PARD6G: variants seen among roughly 807,000 people sequenced by gnomAD.
PARD6G encodes partitioning defective 6 homolog gamma.
A neutral mutation model predicts 10.7 loss-of-function variants in PARD6G; 7 were observed. That is an observed-to-expected ratio of 0.66 (90% CI 0.37 to 1.23). PARD6G has a LOEUF of 1.23. Among genes scored for constraint, PARD6G ranks in the 50% most tolerant of loss-of-function variants. PARD6G has a pLI of 0.02. For missense variants in PARD6G, 548 were observed against 571.8 expected, an observed-to-expected ratio of 0.96 and a Z score of 0.42; for synonymous variants, 287 against 269.4, an observed-to-expected ratio of 1.07 and a Z score of -0.64.
In PARD6G at chr18:80,246,846, G is replaced by A. The variant is rs1012926715; in HGVS notation, c.72+431C>T. ...AAGCCTCCTTTGCAGCCTTGAAGGC[G>A]CCTTGGCCAGGGCCATCCCACGGCC... On this transcript the variant is annotated intron_variant, in intron 1 of 2. Coordinates refer to ENST00000353265, the MANE Select transcript of PARD6G (RefSeq NM_032510.4). This position sits in a 1 kb window ranked among gnomAD's most constrained non-coding sequence, Gnocchi z 6.7. Among the ~76,000 whole-genome samples, 6 of 152,032 alleles carry A rather than the reference G, an allele frequency of 3.9e-5. No individual in the cohort carries two copies. Among genetic ancestry groups the A allele is most frequent in the African/African-American group, 1.4e-4 (6 of 41,412 alleles).
chr18:80,164,170 A>C (rs1261608342), intron 2 of PARD6G, among the ~76,000 whole-genome samples: 1 of 152,232 alleles, frequency 6.6e-6, no homozygotes, highest in African/African-American at 2.4e-5. Context: ...CCTCAAGGCT[A>C]GAATGGGTGC....
In PARD6G at chr18:80,218,073, A is replaced by T. The variant is rs933917545; in HGVS notation, c.73-15141T>A. On this transcript the variant is annotated intron_variant, in intron 1 of 2. Transcript: ENST00000353265. Reference sequence around the variant, plus strand: ...ACACATGGGGATTATAGGAACTACAATTCAAGATGAGATTTGGGTGGGGAC... The same window carrying T: ...ACACATGGGGATTATAGGAACTACATTTCAAGATGAGATTTGGGTGGGGAC... Among the ~76,000 whole-genome samples the T allele has an allele frequency of 8.5e-5, 13 of 152,230 alleles. No individual in the cohort carries two copies. In the East Asian group the frequency reaches 2.3e-3, roughly 27 times the overall value.
chr18:80,235,853 T>C (rs1193331870), intron 1 of PARD6G, among the ~76,000 whole-genome samples: 4 of 152,110 alleles, frequency 2.6e-5, no homozygotes, highest in Non-Finnish European at 5.9e-5. Flanking sequence ...ATTGAGGCAA[T>C]AATTAATAGC....
chr18:80,169,676 T>C (rs755060789), intron 2 of PARD6G: 7 of 152,200 alleles, frequency 4.6e-5, no homozygotes, highest in Non-Finnish European at 1.0e-4. Flanking sequence ...TTACCTAAAG[T>C]GAGAGATACA....
Position 80,213,398 on chromosome 18 carries a change from C to T in PARD6G, c.73-10466G>A, listed in dbSNP as rs150521249. ...GTTCTGTGCAATCAGAAAGTGAAAGCTAAAGCAGACTTGGACTACCAGAGT... is the reference window on the plus strand; with the variant it reads ...GTTCTGTGCAATCAGAAAGTGAAAGTTAAAGCAGACTTGGACTACCAGAGT... On this transcript the variant is annotated intron_variant, in intron 1 of 2. Coordinates refer to ENST00000353265, the MANE Select transcript of PARD6G (RefSeq NM_032510.4). 2.6e-5 allele frequency among the ~76,000 whole-genome samples: 4 copies of T among 152,244 alleles called. No individual in the cohort carries two copies. In the East Asian group the frequency reaches 7.7e-4, roughly 29 times the overall value.
At chr18:80,195,210 C>A (rs377707111) in intron 2 of PARD6G, among the ~76,000 whole-genome samples, 1 of 152,144 alleles carries the variant, frequency 6.6e-6, no homozygotes, top group East Asian at 1.9e-4. Context: ...GCCATTTTTA[C>A]CACACAACAC....
In PARD6G at chr18:80,181,411, T is replaced by C. The variant is rs2052848169; in HGVS notation, c.296-20805A>G. On this transcript the variant is annotated intron_variant, in intron 2 of 2. Coordinates refer to ENST00000353265, the MANE Select transcript of PARD6G (RefSeq NM_032510.4). The surrounding 1 kb of genome is among the most constrained non-coding windows in gnomAD (Gnocchi z 7.9). ...GGGGGACCCTGCGTGCTTGGGTGCATTGCACACCCAGGTCACCAGGGACAC... is the reference window on the plus strand; with the variant it reads ...GGGGGACCCTGCGTGCTTGGGTGCACTGCACACCCAGGTCACCAGGGACAC... Among the ~76,000 whole-genome samples the C allele has an allele frequency of 6.6e-6, 1 of 152,056 alleles. No homozygotes were observed. Among genetic ancestry groups the C allele is most frequent in the Admixed American group, 6.5e-5 (1 of 15,274 alleles).
chr18:80,185,265 C>A (rs1177038743), intron 2 of PARD6G, among the ~76,000 whole-genome samples: 1 of 151,954 alleles, frequency 6.6e-6, no homozygotes, highest in African/African-American at 2.4e-5. Flanking sequence ...CTCGAGCATA[C>A]AGGTGACACA....
At chr18:80,186,356 C>A in intron 2 of PARD6G, among the ~76,000 whole-genome samples, 1 of 62,406 alleles carries the variant, frequency 1.6e-5, no homozygotes, top group Non-Finnish European at 3.8e-5. Context: ...TGCACCCTCA[C>A]ACATGCTCGC....
intron 1 of PARD6G, among the ~76,000 whole-genome samples, chr18:80,241,556 T>C (rs1967490185): frequency 6.6e-6 from 1 of 152,170 alleles, no homozygotes; most frequent in Non-Finnish European, 1.5e-5. Context: ...CCCTGGCACA[T>C]ATATGCACGT....
chr18:80,236,124 C>T (rs1447336548), intron 1 of PARD6G, among the ~76,000 whole-genome samples: 1 of 152,188 alleles, frequency 6.6e-6, no homozygotes, highest in Non-Finnish European at 1.5e-5. Context: ...CAAACCAAAT[C>T]CAGCAGCACA....
intron 2 of PARD6G, among the ~76,000 whole-genome samples, chr18:80,195,559 A>ATACG (rs1966945378): frequency 1.0e-5 from 1 of 95,878 alleles, no homozygotes; most frequent in Non-Finnish European, 2.0e-5. Flanking sequence ...ATATATATAT[A>ATACG]TATATATATA....
chr18:80,222,635 G>A (rs947166036), intron 1 of PARD6G, among the ~76,000 whole-genome samples: 2 of 152,126 alleles, frequency 1.3e-5, no homozygotes, highest in African/African-American at 2.4e-5. Flanking sequence ...GAACCGAATT[G>A]AGAGTACAGA....
intron 2 of PARD6G, chr18:80,187,677 T>C (rs1265153725): frequency 3.9e-5 from 6 of 152,286 alleles, no homozygotes; most frequent in African/African-American, 1.4e-4. Context: ...CTGTGTTCAT[T>C]TGTGGGCTCC....
chr18:80,188,790 G>A lies in PARD6G; in HGVS notation c.295+13920C>T, dbSNP rs1201358978. Among the ~76,000 whole-genome samples, 2 of 152,238 alleles carry A rather than the reference G, an allele frequency of 1.3e-5. No homozygotes were observed. Among genetic ancestry groups the A allele is most frequent in the Non-Finnish European group, 2.9e-5 (2 of 68,040 alleles). On this transcript the variant is annotated intron_variant, in intron 2 of 2. Transcript: ENST00000353265. This position sits in a 1 kb window ranked among gnomAD's most constrained non-coding sequence, Gnocchi z 5.4. Reference sequence around the variant, plus strand: ...CTGGGATGGCCGGGGTACAGCAAGTGACAGGCATGTGGGAGAGACAAGCCC... The same window carrying A: ...CTGGGATGGCCGGGGTACAGCAAGTAACAGGCATGTGGGAGAGACAAGCCC...
chr18:80,190,080 G>T (rs1966884249), intron 2 of PARD6G, among the ~76,000 whole-genome samples: 1 of 152,070 alleles, frequency 6.6e-6, no homozygotes, highest in African/African-American at 2.4e-5. Context: ...TTACTCCAGG[G>T]TCTATTCGTA....
At chr18:80,234,110 T>C (rs920975737) in intron 1 of PARD6G, among the ~76,000 whole-genome samples, 1 of 152,144 alleles carries the variant, frequency 6.6e-6, no homozygotes, top group African/African-American at 2.4e-5. Context: ...AGGTCTTCAT[T>C]CCACATGTCA....
At position 80,228,936 on chromosome 18, in the gene PARD6G, G is replaced by T. The variant is rs1967328201; in HGVS notation, c.72+18341C>A. ...TGGAGATATGATGAAGCTAACAGAA[G>T]TGGGACTTATTTTATTTTAGAAGAC... On this transcript the variant is annotated intron_variant, in intron 1 of 2. Transcript: ENST00000353265. This position sits in a 1 kb window ranked among gnomAD's most constrained non-coding sequence, Gnocchi z 4.6. Among the ~76,000 whole-genome samples, 1 of 152,178 alleles carries T rather than the reference G, an allele frequency of 6.6e-6. No homozygotes were observed. The highest frequency in any genetic ancestry group is 2.4e-5 in the African/African-American group (1 of 41,432).
In PARD6G at chr18:80,228,274, G is replaced by T. The variant is rs1043335009; in HGVS notation, c.72+19003C>A. Among the ~76,000 whole-genome samples the T allele has an allele frequency of 2.6e-5, 4 of 151,736 alleles. No individual in the cohort carries two copies. The highest frequency in any genetic ancestry group is 7.3e-5 in the African/African-American group (3 of 41,056). On this transcript the variant is annotated intron_variant, in intron 1 of 2. Coordinates refer to ENST00000353265, the MANE Select transcript of PARD6G (RefSeq NM_032510.4). This position sits in a 1 kb window ranked among gnomAD's most constrained non-coding sequence, Gnocchi z 4.6. ...GAGACCCCAAGTGAAAACTGCGGAA[G>T]CCGCCATGGGGAGGTGAGGGGAGGT...
Sources: allele counts gnomAD v4.1 joint callset (sites outside exome capture counted in the v4.1 genomes callset), GRCh38; gene constraint gnomAD v4.1.1; non-coding constraint Gnocchi (gnomAD v3.1); transcripts MANE v1.5; gene names NCBI Gene and HGNC (gene_info 2026-07-23, HGNC 2026-07-21).